RPTOR: variants seen among roughly 807,000 people sequenced by gnomAD.
The protein encoded by RPTOR is regulatory associated protein of MTOR complex 1.
RPTOR carries 21 observed loss-of-function variants against 169.9 expected under a neutral mutation model. That is an observed-to-expected ratio of 0.12 (90% CI 0.09 to 0.18). The LOEUF (loss-of-function observed/expected upper bound fraction) is 0.18. Among genes scored for constraint, RPTOR ranks in the 10% least tolerant of loss-of-function variants. RPTOR has a pLI of 1.00. For missense variants in RPTOR, 1,133 were observed against 1,855.9 expected (o/e 0.61, Z 7.16); for synonymous variants, 732 against 753.2 (o/e 0.97, Z 0.46).
intron 4 of RPTOR, among the ~76,000 whole-genome samples, chr17:80,727,625 C>T (rs1001878503): frequency 6.6e-6 from 1 of 152,168 alleles, no homozygotes; most frequent in African/African-American, 2.4e-5. Flanking sequence ...TCGCGCTGGC[C>T]AGAATTTGGC....
chr17:80,544,872 A>T lies in RPTOR; in HGVS notation c.-758A>T, dbSNP rs1285584503. On this transcript the variant is annotated 5_prime_UTR_variant, in exon 1 of 34. An upstream start codon of the reference 5' UTR is lost. Coordinates refer to ENST00000306801, the MANE Select transcript of RPTOR (RefSeq NM_020761.3). Reference sequence around the variant, plus strand: ...ATATGGCGTCCTCCTTGATGGGCTGATGAGATGAGTTTCACTGTAGCTCCA... The same window carrying T: ...ATATGGCGTCCTCCTTGATGGGCTGTTGAGATGAGTTTCACTGTAGCTCCA... 4.5e-6 allele frequency: 1 copy of T among 222,942 alleles called. No homozygotes were observed. The highest frequency in any genetic ancestry group is 9.0e-6 in the Non-Finnish European group (1 of 111,344). The allele number at this position is 222,942 out of a possible 1,614,324, so 13.8% of individuals were successfully genotyped here. A position where few individuals can be genotyped will look rare whatever the true frequency, so the allele number is the denominator to read the frequency against.
intron 3 of RPTOR, among the ~76,000 whole-genome samples, chr17:80,662,102 G>C (rs2065728684): frequency 1.3e-5 from 2 of 151,974 alleles, no homozygotes; most frequent in African/African-American, 2.4e-5. Flanking sequence ...TTAGTCTGAT[G>C]AGTTTTGACA....
At chr17:80,698,676 C>T (rs139030897) in intron 3 of RPTOR, among the ~76,000 whole-genome samples, 172 of 152,302 alleles carry the variant, frequency 1.1e-3, no homozygotes, top group African/African-American at 3.9e-3. Flanking sequence ...ACAAATGTGC[C>T]GCTGCTTCTC....
At position 80,609,221 on chromosome 17, in the gene RPTOR, C is replaced by T. The variant is rs1323158525; in HGVS notation, c.163-16470C>T. ...AGGTTTGTGCTGGGTGCTCTGCTCT[C>T]AGGCCCACAGAATTCTGCACTGTGA... is the stretch of plus-strand genomic sequence containing the variant. On this transcript the variant is annotated intron_variant, in intron 1 of 33. Transcript: ENST00000306801. This position sits in a 1 kb window ranked among gnomAD's most constrained non-coding sequence, Gnocchi z 4.8. Among the ~76,000 whole-genome samples the T allele has an allele frequency of 6.6e-6, 1 of 152,184 alleles. No individual in the cohort carries two copies.
chr17:80,863,983 A>AG (rs2067950714), intron 13 of RPTOR, among the ~76,000 whole-genome samples: 1 of 152,218 alleles, frequency 6.6e-6, no homozygotes. Flanking sequence ...AAAGAAAAAA[A>AG]AATTTAATTA....
At chr17:80,768,254 T>C (rs1244632257) in intron 6 of RPTOR, among the ~76,000 whole-genome samples, 1 of 152,204 alleles carries the variant, frequency 6.6e-6, no homozygotes, top group Admixed American at 6.5e-5. Flanking sequence ...TCACATTTCC[T>C]CTTCTCCCAT....
rs917618655 is a variant in RPTOR, at chr17:80,845,549, C to T, written c.1213-924C>T. ...CTGGTTCCCCTGGGGAGCAGCCCTGCTCTGCCAGCCCAGCCTGTGCTTCCA... is the reference window on the plus strand; with the variant it reads ...CTGGTTCCCCTGGGGAGCAGCCCTGTTCTGCCAGCCCAGCCTGTGCTTCCA... On this transcript the variant is annotated intron_variant, in intron 10 of 33. Coordinates refer to ENST00000306801, the MANE Select transcript of RPTOR (RefSeq NM_020761.3). The surrounding 1 kb of genome is among the most constrained non-coding windows in gnomAD (Gnocchi z 5.4). Among the ~76,000 whole-genome samples, 9 of 152,046 alleles carry T rather than the reference C, an allele frequency of 5.9e-5. No individual in the cohort carries two copies. Among genetic ancestry groups the T allele is most frequent in the Non-Finnish European group, 1.2e-4 (8 of 67,978 alleles).
chr17:80,652,369 G>A (rs1204019994), intron 3 of RPTOR, among the ~76,000 whole-genome samples: 1 of 152,176 alleles, frequency 6.6e-6, no homozygotes, highest in Non-Finnish European at 1.5e-5. Flanking sequence ...GGAGATGCCT[G>A]TTCTAGGTAC....
At chr17:80,843,165 A>G (rs1327925387) in intron 10 of RPTOR, among the ~76,000 whole-genome samples, 2 of 152,190 alleles carry the variant, frequency 1.3e-5, no homozygotes, top group Non-Finnish European at 2.9e-5. Context: ...ATTACAGTTA[A>G]TCTACAGATT....
intron 1 of RPTOR, among the ~76,000 whole-genome samples, chr17:80,580,536 T>C (rs2065005256): frequency 6.6e-6 from 1 of 152,218 alleles, no homozygotes; most frequent in African/African-American, 2.4e-5. Flanking sequence ...TTTTTACATA[T>C]GTTTATGGGT....
At chr17:80,711,932 C>T (rs954355752) in intron 4 of RPTOR, among the ~76,000 whole-genome samples, 1 of 151,756 alleles carries the variant, frequency 6.6e-6, no homozygotes, top group Non-Finnish European at 1.5e-5. Context: ...TCAGTAGAGA[C>T]GGGGTTTCAC....
intron 9 of RPTOR, among the ~76,000 whole-genome samples, chr17:80,824,257 T>C (rs2067414737): frequency 6.6e-6 from 1 of 152,250 alleles, no homozygotes. Flanking sequence ...GCATGATCTG[T>C]ATCCTTCTTA....
intron 29 of RPTOR, among the ~76,000 whole-genome samples, chr17:80,958,595 T>C (rs1298766000): frequency 1.3e-5 from 2 of 151,706 alleles, no homozygotes; most frequent in Non-Finnish European, 2.9e-5. Flanking sequence ...TTTGTATTTT[T>C]AGTGGAGACG....
At chr17:80,841,173 C>A (rs1405572386) in intron 10 of RPTOR, among the ~76,000 whole-genome samples, 21 of 111,746 alleles carry the variant, frequency 1.9e-4, no homozygotes, top group Admixed American at 1.7e-4. Context: ...TCACTCTCAC[C>A]GCACGGCAGC....
rs1463316496 is a variant in RPTOR, at chr17:80,961,377, T to G, written c.3606-17T>G. 6.5e-7 allele frequency: 1 copy of G among 1,544,498 alleles called. No individual in the cohort carries two copies. Among genetic ancestry groups the G allele is most frequent in the East Asian group, 2.4e-5 (1 of 40,862 alleles). Reference sequence around the variant, plus strand: ...CTTCAGGGAAGCCCCACGCTGAGCGTGCCCCCTCCCCTACAGCCGCGTCAT... The same window carrying G: ...CTTCAGGGAAGCCCCACGCTGAGCGGGCCCCCTCCCCTACAGCCGCGTCAT... On this transcript the variant is annotated splice_polypyrimidine_tract_variant and intron_variant, in intron 30 of 33. Transcript: ENST00000306801.
At chr17:80,840,516 ACGGCAGC>A (rs2067621515) in intron 10 of RPTOR, among the ~76,000 whole-genome samples, 2 of 100,988 alleles carry the variant, frequency 2.0e-5, no homozygotes, top group Non-Finnish European at 4.0e-5. Flanking sequence ...AGCTCACACC[ACGGCAGC>A]TCACACTCAC....
At position 80,707,669 on chromosome 17, in the gene RPTOR, G is replaced by A. The variant is rs79556051; in HGVS notation, c.349-172G>A. On this transcript the variant is annotated intron_variant, in intron 3 of 33. Transcript: ENST00000306801. The surrounding 1 kb of genome is among the most constrained non-coding windows in gnomAD (Gnocchi z 5.0). ...GGCCTCCTAAGCTGCTGGGATTTTC[G>A]GCATGAGCCAGGGTGCCTGGCATTA... Among the ~76,000 whole-genome samples the A allele has an allele frequency of 0.018, 2,790 of 152,104 alleles. 90 individuals are homozygous for A. The highest frequency in any genetic ancestry group is 0.063 in the African/African-American group (2,596 of 41,456).
intron 3 of RPTOR, among the ~76,000 whole-genome samples, chr17:80,702,788 G>A (rs575198902): frequency 1.3e-5 from 2 of 152,276 alleles, no homozygotes; most frequent in East Asian, 1.9e-4. Context: ...AATCTACCCC[G>A]TGGCCTTCTG....
intron 1 of RPTOR, among the ~76,000 whole-genome samples, chr17:80,551,921 A>C (rs897839481): frequency 2.6e-5 from 4 of 151,604 alleles, no homozygotes; most frequent in African/African-American, 9.7e-5. Flanking sequence ...TTAGGGAGTG[A>C]TGATGACTCT....
Sources: allele counts gnomAD v4.1 joint callset (sites outside exome capture counted in the v4.1 genomes callset), GRCh38; gene constraint gnomAD v4.1.1; non-coding constraint Gnocchi (gnomAD v3.1); transcripts MANE v1.5; gene names NCBI Gene and HGNC (gene_info 2026-07-23, HGNC 2026-07-21).